The following CIDEA variants were observed in gnomAD, a reference collection of about 807,000 sequenced individuals.
CIDEA encodes the protein lipid transferase CIDEA.
A neutral mutation model predicts 18.2 loss-of-function variants in CIDEA; 10 were observed. The ratio of observed to expected loss-of-function variants is 0.55; its 90% CI spans 0.34 to 0.93. The LOEUF (loss-of-function observed/expected upper bound fraction) is 0.93. CIDEA is among the 40% of genes least tolerant of loss of function. The probability of loss-of-function intolerance (pLI) is 0.02; values close to 1 mark genes in which losing one functional copy is unlikely to be tolerated. For missense variants in CIDEA, 309 were observed against 293.1 expected, an observed-to-expected ratio of 1.05 and a Z score of -0.40; for synonymous variants, 128 against 124.8, an observed-to-expected ratio of 1.03 and a Z score of -0.17.
intron 3 of CIDEA, among the ~76,000 whole-genome samples, chr18:12,272,271 G>C (rs1035640569): frequency 6.6e-6 from 1 of 151,900 alleles, no homozygotes; most frequent in Non-Finnish European, 1.5e-5. Context: ...GGAGTGCAGT[G>C]GCGCGATCTC....
At chr18:12,258,677 C>G (rs1912106285) in intron 1 of CIDEA, among the ~76,000 whole-genome samples, 1 of 152,254 alleles carries the variant, frequency 6.6e-6, no homozygotes, top group African/African-American at 2.4e-5. Context: ...GAAGCCGGAG[C>G]TGGATTCAGA....
chr18:12,257,489 G>A (rs746531402), intron 1 of CIDEA, among the ~76,000 whole-genome samples: 1 of 152,182 alleles, frequency 6.6e-6, no homozygotes, highest in Non-Finnish European at 1.5e-5. Context: ...CTGGAGAAGA[G>A]TTCAGGTCTA....
rs771335202 is a variant in CIDEA at position 12,270,894 on chromosome 18, CTTTT to C, written c.331-3179_331-3176del. Reference sequence around the variant, plus strand: ...TTTCTTTTCTTTTTCTTTTTCTTTTCTTTTTTTTTTTTTTTTTTTTTTTGAGACA... The same window carrying C: ...TTTCTTTTCTTTTTCTTTTTCTTTTCTTTTTTTTTTTTTTTTTTTGAGACA... On this transcript the variant is annotated intron_variant, in intron 3 of 4. Coordinates refer to ENST00000320477, the MANE Select transcript of CIDEA (RefSeq NM_001279.4). 2.0e-3 allele frequency among the ~76,000 whole-genome samples: 121 copies of C among 60,016 alleles called. 1 individual carries two copies. The highest frequency in any genetic ancestry group is 6.1e-3 in the Admixed American group (23 of 3,756). 39.4% of individuals were successfully genotyped at this position (60,016 alleles called of 152,430 possible).
intron 3 of CIDEA, among the ~76,000 whole-genome samples, chr18:12,266,762 AT>A (rs11461531): frequency 0.068 from 9,629 of 141,736 alleles, 493 homozygotes; most frequent in African/African-American, 0.16. Context: ...TGCACAAGTC[AT>A]TTTTTTTTTT....
intron 3 of CIDEA, among the ~76,000 whole-genome samples, chr18:12,267,091 A>G (rs920208104): frequency 6.6e-6 from 1 of 151,804 alleles, no homozygotes. Flanking sequence ...AGGGCAACAC[A>G]CTCCTCTACT....
rs563867903 is a variant in CIDEA at position 12,255,028 on chromosome 18, G to A, written c.38+607G>A. 6.2e-6 allele frequency: 6 copies of A among 975,376 alleles called. No individual in the cohort carries two copies. The Admixed American group carries it at 2.2e-4, about 36-fold the overall frequency. 60.4% of individuals were successfully genotyped at this position (975,376 alleles called of 1,614,324 possible). A position where few individuals can be genotyped will look rare whatever the true frequency, so the allele number is the denominator to read the frequency against. ...GGCGGAGACGCTGCCTGGGGAGCAG[G>A]GGGGACAAGGGGCGGGTGGACCCTG... On this transcript the variant is annotated intron_variant, in intron 1 of 4. Transcript: ENST00000320477.
chr18:12,272,949 C>G (rs1247309353), intron 3 of CIDEA, among the ~76,000 whole-genome samples: 5 of 152,188 alleles, frequency 3.3e-5, no homozygotes, highest in African/African-American at 1.2e-4. Context: ...AAATTCAAGT[C>G]AAAGACAAAT....
chr18:12,265,885 A>C (rs1356899669), intron 3 of CIDEA, among the ~76,000 whole-genome samples: 2 of 152,196 alleles, frequency 1.3e-5, no homozygotes, highest in Non-Finnish European at 2.9e-5. Flanking sequence ...CAGATGTTGG[A>C]ATCATCAGAC....
intron 1 of CIDEA, among the ~76,000 whole-genome samples, chr18:12,260,133 G>A (rs191089927): frequency 6.6e-5 from 10 of 152,246 alleles, no homozygotes; most frequent in Admixed American, 4.6e-4. Context: ...GGCGATTTTT[G>A]AGAGCCAGCT....
chr18:12,270,277 T>C (rs544237366), intron 3 of CIDEA, among the ~76,000 whole-genome samples: 1 of 152,148 alleles, frequency 6.6e-6, no homozygotes, highest in African/African-American at 2.4e-5. Flanking sequence ...TGTCCCTTAC[T>C]TCTACATATA....
At position 12,262,975 on chromosome 18, in the gene CIDEA, C is replaced by G. The variant is rs1912241354; in HGVS notation, c.183+6C>G. On this transcript the variant is annotated splice_donor_region_variant and intron_variant, in intron 2 of 4. Coordinates refer to ENST00000320477, the MANE Select transcript of CIDEA (RefSeq NM_001279.4). Reference sequence around the variant, plus strand: ...TGCAGGAGCTCATCAGCAAGGTGCCCCACATCCCGCACCTCTCCCCCAGTC... The same window carrying G: ...TGCAGGAGCTCATCAGCAAGGTGCCGCACATCCCGCACCTCTCCCCCAGTC... 6.2e-7 allele frequency: 1 copy of G among 1,613,744 alleles called. No homozygotes were observed. Among genetic ancestry groups the G allele is most frequent in the East Asian group, 2.2e-5 (1 of 44,874 alleles).
chr18:12,277,099 C>A, intron 4 of CIDEA, 24 bp from the exon 5 acceptor site: 1 of 1,612,180 alleles, frequency 6.2e-7, no homozygotes, highest in Non-Finnish European at 8.5e-7. Context: ...CAAGCTAAAG[C>A]CTCCCCATCT....
rs1006714891 is a variant in CIDEA at position 12,277,499 on chromosome 18, C to T, written c.*229C>T. The T allele has an allele frequency of 3.3e-5, 18 of 538,688 alleles. No homozygotes were observed. Among genetic ancestry groups the T allele is most frequent in the Non-Finnish European group, 5.3e-5 (16 of 301,400 alleles). The allele number at this position is 538,688 out of a possible 1,614,324, so 33.4% of individuals were successfully genotyped here. A position where few individuals can be genotyped will look rare whatever the true frequency, so the allele number is the denominator to read the frequency against. On this transcript the variant is annotated 3_prime_UTR_variant, in exon 5 of 5. Coordinates refer to ENST00000320477, the MANE Select transcript of CIDEA (RefSeq NM_001279.4). Reference sequence around the variant, plus strand: ...AGAGGGCCCTGGGGGTCATGGGAAGCGAGCACGCAGCAGGCGTGCCCAGGA... The same window carrying T: ...AGAGGGCCCTGGGGGTCATGGGAAGTGAGCACGCAGCAGGCGTGCCCAGGA...
At chr18:12,272,273 C>T (rs1054626933) in intron 3 of CIDEA, among the ~76,000 whole-genome samples, 2 of 151,628 alleles carry the variant, frequency 1.3e-5, no homozygotes, top group Admixed American at 1.3e-4. Flanking sequence ...AGTGCAGTGG[C>T]GCGATCTCGG....
In CIDEA at chr18:12,277,105, C is replaced by A. The variant is rs769243192; in HGVS notation, c.513-18C>A. 1.9e-6 allele frequency: 3 copies of A among 1,613,226 alleles called. No individual in the cohort carries two copies. The Admixed American group carries it at 5.0e-5, about 27-fold the overall frequency. ...CCAAAATCCCAAGCTAAAGCCTCCCCATCTGCCTCTGCCACAGGAGTCTGC... is the reference window on the plus strand; with the variant it reads ...CCAAAATCCCAAGCTAAAGCCTCCCAATCTGCCTCTGCCACAGGAGTCTGC... On this transcript the variant is annotated intron_variant, in intron 4 of 4. Transcript: ENST00000320477.
At chr18:12,271,789 A>T (rs936136094) in intron 3 of CIDEA, among the ~76,000 whole-genome samples, 1 of 152,014 alleles carries the variant, frequency 6.6e-6, no homozygotes, top group Non-Finnish European at 1.5e-5. Context: ...AAACCAGTTT[A>T]GACTGAGACC....
chr18:12,275,121 G>A (rs922920261), intron 4 of CIDEA, among the ~76,000 whole-genome samples: 29 of 152,358 alleles, frequency 1.9e-4, no homozygotes, highest in Admixed American at 3.3e-4. Context: ...CCAAGAGTTC[G>A]AGACCAGCCT....
Position 12,262,872 on chromosome 18 carries a change from C to T in CIDEA, c.86C>T (p.Pro29Leu), listed in dbSNP as rs200131366. 43 of 1,614,080 alleles carry T rather than the reference C, an allele frequency of 2.7e-5. No individual in the cohort carries two copies. The highest frequency in any genetic ancestry group is 7.7e-5 in the South Asian group (7 of 91,086). ...CAGACTAAGCGAGTCCTGTTCACCCCGCTCATGCATCCAGCTCGCCCTTTC... is the reference window on the plus strand; with the variant it reads ...CAGACTAAGCGAGTCCTGTTCACCCTGCTCATGCATCCAGCTCGCCCTTTC... ...GSQTKRVLFT[P>L]LMHPARPFRV... The change falls in exon 2 of 5, where the codon CCG becomes CTG. Residue 29 changes from proline (P) to leucine (L), a missense_variant. Pro to Leu is a moderately conservative substitution (Grantham distance 98, BLOSUM62 -3). Coordinates refer to ENST00000320477, the MANE Select transcript of CIDEA (RefSeq NM_001279.4).
At chr18:12,255,522 G>A (rs1290663055) in intron 1 of CIDEA, among the ~76,000 whole-genome samples, 1 of 152,174 alleles carries the variant, frequency 6.6e-6, no homozygotes, top group African/African-American at 2.4e-5. Context: ...TTCGTGTATG[G>A]TCATTAACAC....
Sources: gnomAD v4.1 joint callset for allele counts (sites outside exome capture counted in the v4.1 genomes callset) on GRCh38, gnomAD v4.1.1 for gene constraint, MANE v1.5 for transcripts, NCBI Gene and HGNC (gene_info 2026-07-23, HGNC 2026-07-21) for gene names.